LIM2: variants seen among roughly 807,000 people sequenced by gnomAD.
The protein encoded by LIM2 is lens fiber membrane intrinsic protein.
In LIM2, 14 loss-of-function variants were observed where a neutral mutation model predicts 19.0. That is an observed-to-expected ratio of 0.74 (90% CI 0.49 to 1.15). The LOEUF (loss-of-function observed/expected upper bound fraction) is 1.15, where lower values mean the gene tolerates loss of function less well. Among genes scored for constraint, LIM2 ranks in the 50% most tolerant of loss-of-function variants. LIM2 has a pLI of 0.00. For missense variants in LIM2, 230 were observed against 243.5 expected (o/e 0.94, Z 0.37); for synonymous variants, 78 against 89.6 (o/e 0.87, Z 0.73).
intron 2 of LIM2, chr19:51,387,008 A>G (rs897644152): frequency 2.8e-6 from 2 of 714,374 alleles, no homozygotes; most frequent in East Asian, 2.7e-5. Context: ...ACTAGCCCCA[A>G]TTGCTGTGCA....
At chr19:51,382,333 G>A (rs2123666009) in intron 3 of LIM2, 85 bp downstream of exon 3, 2 of 1,503,472 alleles carry the variant, frequency 1.3e-6, no homozygotes, top group African/African-American at 1.4e-5. Flanking sequence ...GGAGTAAGGG[G>A]TGAGAATGGT....
At chr19:51,382,081 A>G (rs1254256550) in intron 3 of LIM2, among the ~76,000 whole-genome samples, 1 of 152,164 alleles carries the variant, frequency 6.6e-6, no homozygotes, top group Non-Finnish European at 1.5e-5. Flanking sequence ...GTTTGTAGCC[A>G]GTGGATCAAA....
In LIM2 at chr19:51,380,719, G is replaced by A. The variant is rs571165290; in HGVS notation, c.326-80C>T. 1.3e-5 allele frequency: 20 copies of A among 1,550,516 alleles called. No homozygotes were observed. The South Asian group carries it at 2.0e-4, about 16-fold the overall frequency. On this transcript the variant is annotated intron_variant, in intron 3 of 4. Transcript: ENST00000596399. ...GAGGTGGGCAGAGAGCTGATGATGG[G>A]GGTGGGAACTAAGATTGGGGAAAGG... is the stretch of plus-strand genomic sequence containing the variant.
rs536122825 is a variant in LIM2, at chr19:51,381,994, C to T, written c.325+424G>A. Among the ~76,000 whole-genome samples, 7 of 152,340 alleles carry T rather than the reference C, an allele frequency of 4.6e-5. No homozygotes were observed. In the East Asian group the frequency reaches 5.8e-4, roughly 13 times the overall value. On this transcript the variant is annotated intron_variant, in intron 3 of 4. Coordinates refer to ENST00000596399, the MANE Select transcript of LIM2 (RefSeq NM_001161748.2). Reference sequence around the variant, plus strand: ...CCACCTGCCTCGGCCTCCCAAAGTGCTGGAATTACGGGCGTGAGCCATCGC... The same window carrying T: ...CCACCTGCCTCGGCCTCCCAAAGTGTTGGAATTACGGGCGTGAGCCATCGC...
intron 2 of LIM2, among the ~76,000 whole-genome samples, chr19:51,383,985 T>C (rs1419014747): frequency 1.3e-5 from 2 of 152,186 alleles, no homozygotes; most frequent in African/African-American, 2.4e-5. Context: ...TCTCCATGGA[T>C]TTTATGGGTT....
At chr19:51,387,133 G>T in intron 2 of LIM2, 136 bp downstream of exon 2, 1 of 1,538,264 alleles carries the variant, frequency 6.5e-7, no homozygotes, top group African/African-American at 1.4e-5. Context: ...CCCCCTCCAT[G>T]CTGAGTGACC....
At chr19:51,385,350 T>C (rs1216244616) in intron 2 of LIM2, among the ~76,000 whole-genome samples, 1 of 151,874 alleles carries the variant, frequency 6.6e-6, no homozygotes, top group African/African-American at 2.4e-5. Flanking sequence ...GGTCAAATCC[T>C]GTCTCTACTA....
At chr19:51,384,595 C>T (rs996713140) in intron 2 of LIM2, among the ~76,000 whole-genome samples, 6 of 152,170 alleles carry the variant, frequency 3.9e-5, no homozygotes, top group Admixed American at 6.5e-5. Context: ...TCACCAGAAG[C>T]CAGGGAGGGA....
Position 51,387,456 on chromosome 19 carries a change from G to T in LIM2, c.-6-7C>A. 2 of 1,613,388 alleles carry T rather than the reference G, an allele frequency of 1.2e-6. No individual in the cohort carries two copies. The highest frequency in any genetic ancestry group is 1.7e-6 in the Non-Finnish European group (2 of 1,179,986). On this transcript the variant is annotated splice_region_variant and splice_polypyrimidine_tract_variant and intron_variant, in intron 1 of 4. Transcript: ENST00000596399. ...TGAAGCTGTACATGGTGATCTGTGG[G>T]GAAGGGGAGAGATGGGATTGGGAGC...
At position 51,380,529 on chromosome 19, in the gene LIM2, C is replaced by T. The variant is rs1187930157; in HGVS notation, c.436G>A (p.Ala146Thr). ...FSWSYILGWV[A>T]VLMTFFAGIF... The stretch of plus-strand genomic sequence containing the variant: ...CCTGCGAAGAACGTCATGAGCACTG[C>T]CACCCAGCCCAGGATGTAGGACCAG... The change falls in exon 4 of 5, where the codon GCA (alanine) becomes ACA (threonine). Residue 146 changes from alanine to threonine, a missense_variant. Physicochemically the swap from Ala to Thr is moderately conservative, Grantham distance 58. Transcript: ENST00000596399. 1 of 1,614,080 alleles carries T rather than the reference C, an allele frequency of 6.2e-7. No individual in the cohort carries two copies. The highest frequency in any genetic ancestry group is 8.5e-7 in the Non-Finnish European group (1 of 1,180,056).
In LIM2 at chr19:51,386,620, T is replaced by C. The variant is rs57609617; in HGVS notation, c.175+649A>G. ...TAATATATTACATGTGCATTACTTA[T>C]ATAATATGTAGCATATTATATACAA... On this transcript the variant is annotated intron_variant, in intron 2 of 4. Transcript: ENST00000596399. Among the ~76,000 whole-genome samples the C allele has an allele frequency of 5.6e-3, 829 of 148,756 alleles. 8 individuals carry two copies. Among genetic ancestry groups the C allele is most frequent in the African/African-American group, 0.019 (789 of 40,906 alleles).
rs201798695 is a variant in LIM2 at position 51,382,943 on chromosome 19, TTGAA to T, written c.176-380_176-377del. Among the ~76,000 whole-genome samples the T allele has an allele frequency of 6.4e-3, 969 of 152,180 alleles. 14 individuals are homozygous for T. The highest frequency in any genetic ancestry group is 0.022 in the African/African-American group (921 of 41,486). ...GCATTCTGGCCTTGGGAAATGTTTG[TTGAA>T]TGAATGAATGAATGAATGCTGATTC... On this transcript the variant is annotated intron_variant, in intron 2 of 4. Transcript: ENST00000596399.
intron 4 of LIM2, 104 bp from the exon 5 acceptor site, chr19:51,380,366 G>T: frequency 6.4e-7 from 1 of 1,569,076 alleles, no homozygotes; most frequent in South Asian, 1.1e-5. Context: ...GGGTATCCCC[G>T]ACCCCAGACT....
chr19:51,381,231 T>C (rs1240170099), intron 3 of LIM2, among the ~76,000 whole-genome samples: 3 of 151,858 alleles, frequency 2.0e-5, no homozygotes, highest in East Asian at 3.9e-4. Flanking sequence ...GGCAGGAGAA[T>C]CACTTGAACC....
chr19:51,380,030 C>T lies in LIM2; in HGVS notation c.*171G>A, dbSNP rs1318128449. On this transcript the variant is annotated 3_prime_UTR_variant, in exon 5 of 5. Transcript: ENST00000596399. Reference sequence around the variant, plus strand: ...TCAGCTCCCTCCCATGGGCCCTATTCTTCCTCCTTCCAGCCTAGGACCAGG... The same window carrying T: ...TCAGCTCCCTCCCATGGGCCCTATTTTTCCTCCTTCCAGCCTAGGACCAGG... The T allele has an allele frequency of 1.5e-6, 1 of 666,618 alleles. No homozygotes were observed. The highest frequency in any genetic ancestry group is 2.7e-5 in the East Asian group (1 of 36,816). The allele number at this position is 666,618 out of a possible 1,614,324, so 41.3% of individuals were successfully genotyped here.
At position 51,380,535 on chromosome 19, in the gene LIM2, AG is replaced by A. The variant is rs1371768745; in HGVS notation, c.429del (p.Trp144GlyfsTer6). 7 of 1,614,178 alleles carry A rather than the reference AG, an allele frequency of 4.3e-6. No individual in the cohort carries two copies. The highest frequency in any genetic ancestry group is 5.9e-6 in the Non-Finnish European group (7 of 1,180,046). On this transcript the variant is annotated frameshift_variant, in exon 4 of 5. Transcript: ENST00000596399. LOFTEE classifies it high-confidence loss of function. ...DWRFSWSYIL[G>X]WVAVLMTFFA... ...AAGAACGTCATGAGCACTGCCACCC[AG>A]CCCAGGATGTAGGACCAGGAAAAGC...
At chr19:51,387,107 T>C (rs1321845812) in intron 2 of LIM2, 162 bp downstream of exon 2, 1 of 1,344,710 alleles carries the variant, frequency 7.4e-7, no homozygotes, top group Admixed American at 1.8e-5. Context: ...AAAACAACCC[T>C]GTAGTCCCAG....
At chr19:51,386,483 T>A (rs192753660) in intron 2 of LIM2, among the ~76,000 whole-genome samples, 2,818 of 145,336 alleles carry the variant, frequency 0.019, 96 homozygotes, top group African/African-American at 0.067. Context: ...ATTATTAATT[T>A]ATTATATAAT....
intron 2 of LIM2, among the ~76,000 whole-genome samples, chr19:51,386,967 A>C (rs1987071637): frequency 1.3e-5 from 2 of 152,214 alleles, no homozygotes; most frequent in Admixed American, 6.5e-5. Flanking sequence ...CTTGGTCCAT[A>C]GTACATATTT....
Sources: allele counts gnomAD v4.1 joint callset (sites outside exome capture counted in the v4.1 genomes callset), GRCh38; gene constraint gnomAD v4.1.1; transcripts MANE v1.5; gene names NCBI Gene and HGNC (gene_info 2026-07-23, HGNC 2026-07-21).